Variants in SSR1 observed in about 807,000 individuals in gnomAD.
SSR1 encodes the protein translocon-associated protein subunit alpha.
Under a neutral mutation model 36.1 loss-of-function variants are expected in SSR1, and 13 were observed. That is an observed-to-expected ratio of 0.36 (90% CI 0.23 to 0.57). SSR1 has a LOEUF of 0.57. SSR1 is among the 20% of genes least tolerant of loss of function. The pLI is 0.81. For missense variants in SSR1, 291 were observed against 338.5 expected (o/e 0.86, Z 1.10); for synonymous variants, 113 against 118.9 (o/e 0.95, Z 0.32).
intron 7 of SSR1, among the ~76,000 whole-genome samples, chr6:7,292,905 C>T (rs1238699697): frequency 7.9e-6 from 1 of 126,212 alleles, no homozygotes; most frequent in Non-Finnish European, 1.8e-5. Flanking sequence ...AGCTAGCTCA[C>T]AGAAAGAGAC....
At chr6:7,297,339 A>G (rs1314805749) in intron 6 of SSR1, 1 of 161,348 alleles carries the variant, frequency 6.2e-6, no homozygotes, top group Non-Finnish European at 1.4e-5. Flanking sequence ...TTAGGGAATA[A>G]AAATTCTAGC....
intron 1 of SSR1, among the ~76,000 whole-genome samples, chr6:7,312,511 A>G (rs1248919419): frequency 6.6e-6 from 1 of 152,188 alleles, no homozygotes; most frequent in Non-Finnish European, 1.5e-5. Context: ...AAGGCAGATG[A>G]CCATTGAACA....
chr6:7,311,064 T>A (rs1045189746), intron 1 of SSR1, among the ~76,000 whole-genome samples: 1 of 152,242 alleles, frequency 6.6e-6, no homozygotes, highest in Non-Finnish European at 1.5e-5. Flanking sequence ...TGGTAAAAAC[T>A]GGCTTGCATG....
At chr6:7,294,533 C>CA (rs1757750073) in intron 7 of SSR1, among the ~76,000 whole-genome samples, 1 of 150,152 alleles carries the variant, frequency 6.7e-6, no homozygotes, top group African/African-American at 2.4e-5. Context: ...ACTAAAAATA[C>CA]AAAAAAAATT....
chr6:7,303,952 A>G (rs1313767896), intron 2 of SSR1, among the ~76,000 whole-genome samples: 1 of 152,246 alleles, frequency 6.6e-6, no homozygotes, highest in Non-Finnish European at 1.5e-5. Flanking sequence ...CCCCAATGCA[A>G]GACTCCGACT....
At chr6:7,303,167 CAA>C (rs796473710) in intron 3 of SSR1, among the ~76,000 whole-genome samples, 11 of 69,976 alleles carry the variant, frequency 1.6e-4, no homozygotes, top group African/African-American at 6.4e-4. Flanking sequence ...AAAAAAAAGA[CAA>C]AGTTACTTTG....
intron 1 of SSR1, among the ~76,000 whole-genome samples, chr6:7,310,633 C>T (rs539613420): frequency 3.9e-5 from 6 of 152,226 alleles, no homozygotes; most frequent in Non-Finnish European, 8.8e-5. Flanking sequence ...CATTCTTGGC[C>T]GGCGCGGTGG....
In SSR1 at chr6:7,282,243, G is replaced by C. The variant is rs1285995846; in HGVS notation, c.*7621C>G. 1 of 152,268 alleles carries C rather than the reference G, an allele frequency of 6.6e-6. No homozygotes were observed. Among genetic ancestry groups the C allele is most frequent in the Non-Finnish European group, 1.5e-5 (1 of 68,102 alleles). 9.4% of individuals were successfully genotyped at this position (152,268 alleles called of 1,614,324 possible). A position where few individuals can be genotyped will look rare whatever the true frequency, so the allele number is the denominator to read the frequency against. The stretch of plus-strand genomic sequence containing the variant: ...CGAAAAGGAAGCCAAGAACATAGGA[G>C]ATATTTTGACAAAACGGAAAAACAA... On this transcript the variant is annotated 3_prime_UTR_variant, in exon 8 of 8. Transcript: ENST00000244763.
chr6:7,295,182 C>T (rs2113279640), intron 7 of SSR1: 2 of 1,438,302 alleles, frequency 1.4e-6, no homozygotes, highest in South Asian at 1.3e-5. Context: ...AGCTGCAGAT[C>T]TGGAAGAATT....
chr6:7,303,362 A>G (rs911557974), intron 3 of SSR1, among the ~76,000 whole-genome samples, 188 bp downstream of exon 3: 1 of 152,044 alleles, frequency 6.6e-6, no homozygotes, highest in African/African-American at 2.4e-5. Flanking sequence ...GTCAATTTCT[A>G]GTTAAACTAG....
At position 7,295,463 on chromosome 6, in the gene SSR1, A is replaced by G; in HGVS notation, c.722T>C (p.Val241Ala). The G allele has an allele frequency of 1.2e-6, 2 of 1,610,100 alleles. No homozygotes were observed. Residue 241 changes from valine (V) to alanine (A), a missense_variant, in exon 7 of 8, where the codon GTA (valine) becomes GCA (alanine). Coordinates refer to ENST00000244763, the MANE Select transcript of SSR1 (RefSeq NM_003144.5). ...SRKRKRPIQKVEMGTSSQNDV... is the reference protein window; with the variant it reads ...SRKRKRPIQKAEMGTSSQNDV... The stretch of plus-strand genomic sequence containing the variant: ...ATTCTGACTTGATGTACCCATTTCT[A>G]CTTTCTGTATGGGTCTCTTACGCTA...
intron 2 of SSR1, among the ~76,000 whole-genome samples, chr6:7,309,672 G>T (rs1436889802): frequency 1.3e-5 from 2 of 152,152 alleles, no homozygotes; most frequent in Non-Finnish European, 2.9e-5. Context: ...TTTATAAGGG[G>T]CTTTCCCCAC....
rs1581629346 is a variant in SSR1, at chr6:7,295,289, A to G, written c.793+103T>C. 5.3e-6 allele frequency: 6 copies of G among 1,125,770 alleles called. No individual in the cohort carries two copies. In the East Asian group the frequency reaches 1.5e-4, roughly 29 times the overall value. The allele number at this position is 1,125,770 out of a possible 1,614,324, so 69.7% of individuals were successfully genotyped here. ...TCTACACAAGTAATGGAAAAGATGA[A>G]TGTTAAATAGTACTGAAAAAGTTTT... On this transcript the variant is annotated intron_variant, in intron 7 of 7. Transcript: ENST00000244763.
In SSR1 at chr6:7,282,959, G is replaced by A. The variant is rs1403725874; in HGVS notation, c.*6905C>T. ...GAAATCCGCTTCTCATACGTACCAA[G>A]GACCAACTGCTTTGAATCTTCCACT... On this transcript the variant is annotated 3_prime_UTR_variant, in exon 8 of 8. Coordinates refer to ENST00000244763, the MANE Select transcript of SSR1 (RefSeq NM_003144.5). 1 of 152,240 alleles carries A rather than the reference G, an allele frequency of 6.6e-6. No individual in the cohort carries two copies. Among genetic ancestry groups the A allele is most frequent in the Non-Finnish European group, 1.5e-5 (1 of 68,046 alleles). 9.4% of individuals were successfully genotyped at this position (152,240 alleles called of 1,614,324 possible). A position where few individuals can be genotyped will look rare whatever the true frequency, so the allele number is the denominator to read the frequency against.
In SSR1 at chr6:7,313,166, G is replaced by C. The variant is rs1197502400; in HGVS notation, c.-46C>G. 1.3e-6 allele frequency: 2 copies of C among 1,537,356 alleles called. No homozygotes were observed. The highest frequency in any genetic ancestry group is 8.8e-7 in the Non-Finnish European group (1 of 1,134,576). ...CAGTTTCCGTCGGCTAAGGCTCTCGGCGGCTCCGGCGGTAATGGCGTTACT... is the reference window on the plus strand; with the variant it reads ...CAGTTTCCGTCGGCTAAGGCTCTCGCCGGCTCCGGCGGTAATGGCGTTACT... On this transcript the variant is annotated 5_prime_UTR_variant, in exon 1 of 8. Transcript: ENST00000244763.
At chr6:7,292,891 TGACAGCTAGCTCACAGAAAGA>T (rs78290625) in intron 7 of SSR1, among the ~76,000 whole-genome samples, 13,872 of 152,126 alleles carry the variant, frequency 0.091, 979 homozygotes, top group East Asian at 0.33. Context: ...TACTGCAATA[TGACAGCTAGCTCACAGAAAGA>T]GACAGCTAGC....
intron 2 of SSR1, among the ~76,000 whole-genome samples, chr6:7,306,966 A>AC (rs71542842): frequency 6.6e-5 from 10 of 150,912 alleles, no homozygotes; most frequent in African/African-American, 2.4e-4. Flanking sequence ...AAAAAAAAAA[A>AC]GGTTTGTCCT....
intron 3 of SSR1, among the ~76,000 whole-genome samples, chr6:7,303,031 G>A (rs1338713181): frequency 6.7e-6 from 1 of 150,202 alleles, no homozygotes; most frequent in Non-Finnish European, 1.5e-5. Flanking sequence ...AGCCACTAGG[G>A]AGGCTGAGGC....
intron 4 of SSR1, among the ~76,000 whole-genome samples, chr6:7,300,516 A>G (rs1757910242): frequency 6.6e-6 from 1 of 152,234 alleles, no homozygotes; most frequent in Admixed American, 6.5e-5. Context: ...ATATGGTTCT[A>G]TTTTATCTAT....
Sources: gnomAD v4.1 joint callset for allele counts (sites outside exome capture counted in the v4.1 genomes callset) on GRCh38, gnomAD v4.1.1 for gene constraint, MANE v1.5 for transcripts, NCBI Gene and HGNC (gene_info 2026-07-23, HGNC 2026-07-21) for gene names.